Variants in MAK observed in about 807,000 individuals in gnomAD.
MAK encodes serine/threonine-protein kinase MAK.
MAK carries 65 observed loss-of-function variants against 82.6 expected under a neutral mutation model. The ratio of observed to expected loss-of-function variants is 0.79; its 90% CI spans 0.64 to 0.97. The LOEUF (loss-of-function observed/expected upper bound fraction) is 0.97, where lower values mean the gene tolerates loss of function less well. Ranked by LOEUF, MAK falls within the 50% of genes least tolerant of loss-of-function variation. The pLI is 0.00. For missense variants in MAK, 703 were observed against 780.2 expected (o/e 0.90, Z 1.18); for synonymous variants, 250 against 274.2 (o/e 0.91, Z 0.87).
chr6:10,781,418 T>C (rs1773954413), intron 11 of MAK, among the ~76,000 whole-genome samples: 1 of 149,564 alleles, frequency 6.7e-6, no homozygotes, highest in Admixed American at 6.7e-5. Flanking sequence ...AGGTCAAAAG[T>C]AGATTTTTTT....
intron 11 of MAK, among the ~76,000 whole-genome samples, chr6:10,783,846 C>T (rs1222704206): frequency 9.2e-5 from 14 of 152,106 alleles, no homozygotes; most frequent in Admixed American, 8.5e-4. Context: ...CGGTGAAACA[C>T]CATCTCTACT....
intron 1 of MAK, among the ~76,000 whole-genome samples, chr6:10,834,398 G>A (rs752703919): frequency 6.6e-5 from 10 of 152,172 alleles, no homozygotes; most frequent in Non-Finnish European, 1.2e-4. Flanking sequence ...CATTTGGCTT[G>A]ATGTTGTTGG....
intron 14 of MAK, among the ~76,000 whole-genome samples, 157 bp from the exon 15 acceptor site, chr6:10,764,763 A>C (rs1447634499): frequency 6.6e-6 from 1 of 152,176 alleles, no homozygotes; most frequent in Non-Finnish European, 1.5e-5. Flanking sequence ...TAAAACCAAA[A>C]ATTCTAGTGT....
chr6:10,778,067 AAATT>A (rs1488931408), intron 11 of MAK, among the ~76,000 whole-genome samples: 4 of 152,238 alleles, frequency 2.6e-5, no homozygotes, highest in Admixed American at 2.6e-4. Flanking sequence ...GAAGAAGCAT[AAATT>A]AATTTGATAT....
chr6:10,814,207 G>A (rs866768831), intron 4 of MAK, among the ~76,000 whole-genome samples: 2 of 152,080 alleles, frequency 1.3e-5, no homozygotes, highest in African/African-American at 2.4e-5. Context: ...GACCTCAGGC[G>A]ATCTGCCCAC....
At chr6:10,794,275 ATTCATTCC>A (rs1430196632) in intron 9 of MAK, among the ~76,000 whole-genome samples, 2 of 152,186 alleles carry the variant, frequency 1.3e-5, no homozygotes, top group African/African-American at 4.8e-5. Flanking sequence ...GTGGGCAATT[ATTCATTCC>A]TTCATTCACT....
At chr6:10,828,265 G>C (rs1411142498) in intron 2 of MAK, among the ~76,000 whole-genome samples, 1 of 152,188 alleles carries the variant, frequency 6.6e-6, no homozygotes, top group East Asian at 1.9e-4. Context: ...GTGGAGATGC[G>C]TATCCCATGA....
chr6:10,798,070 G>T, intron 8 of MAK: 1 of 494,728 alleles, frequency 2.0e-6, no homozygotes, highest in Non-Finnish European at 2.6e-6. Flanking sequence ...AAACTTTGAG[G>T]ATGTGTTTTG....
intron 3 of MAK, 79 bp from the exon 4 acceptor site, chr6:10,818,050 T>C (rs1031241526): frequency 1.3e-6 from 1 of 745,160 alleles, no homozygotes; most frequent in Non-Finnish European, 2.2e-6. Context: ...ATGCTAAGTG[T>C]AATAATTACC....
intron 6 of MAK, among the ~76,000 whole-genome samples, 165 bp downstream of exon 6, chr6:10,808,645 A>G (rs1776683576): frequency 6.6e-6 from 1 of 152,008 alleles, no homozygotes; most frequent in African/African-American, 2.4e-5. Context: ...TTTTTCAGTG[A>G]TCAGAATAGC....
chr6:10,778,509 G>A lies in MAK; in HGVS notation c.1466-3050C>T, dbSNP rs111891818. On this transcript the variant is annotated intron_variant, in intron 11 of 14. Coordinates refer to ENST00000354489, the MANE Select transcript of MAK (RefSeq NM_001242957.3). ...AGGATACAACTCCCACATGCTTAGC[G>A]TTCCAATAATGGAACACTAGGCATA... is the stretch of plus-strand genomic sequence containing the variant. Among the ~76,000 whole-genome samples, 19 of 152,204 alleles carry A rather than the reference G, an allele frequency of 1.2e-4. No homozygotes were observed. In the Middle Eastern group the frequency reaches 0.01, roughly 82 times the overall value.
Position 10,796,273 on chromosome 6 carries a change from A to C in MAK, c.868T>G (p.Leu290Val), listed in dbSNP as rs1775550548. The C allele has an allele frequency of 1.9e-6, 3 of 1,614,112 alleles. No homozygotes were observed. In the East Asian group the frequency reaches 6.7e-5, roughly 36 times the overall value. Residue 290 changes from leucine (L) to valine (V), a missense_variant, in exon 9 of 15, where the codon TTA (leucine) becomes GTA (valine). Leu to Val is a conservative substitution (Grantham distance 32, BLOSUM62 1). Transcript: ENST00000354489. Reference protein sequence around the residue: ...KHPYFQVGQVLGPSSNHLESK... With the variant: ...KHPYFQVGQVVGPSSNHLESK... ...TCCAGATGATTTGACGAAGGGCCTAATACCTGACCAACTTGAAAATATGGG... is the reference window on the plus strand; with the variant it reads ...TCCAGATGATTTGACGAAGGGCCTACTACCTGACCAACTTGAAAATATGGG...
chr6:10,788,489 T>C (rs1356721234), intron 10 of MAK, among the ~76,000 whole-genome samples: 2 of 152,138 alleles, frequency 1.3e-5, no homozygotes, highest in East Asian at 1.9e-4. Context: ...CCCAACACTT[T>C]TGGAGGCCGA....
chr6:10,802,389 T>C, intron 7 of MAK: 1 of 251,750 alleles, frequency 4.0e-6, no homozygotes, highest in Non-Finnish European at 7.7e-6. Context: ...CACTACAGCC[T>C]CACCCTCCCG....
chr6:10,816,992 T>C (rs2076311947), intron 4 of MAK, among the ~76,000 whole-genome samples: 1 of 152,050 alleles, frequency 6.6e-6, no homozygotes, highest in Non-Finnish European at 1.5e-5. Flanking sequence ...GGGCAGAAAT[T>C]TACTTTTATT....
At chr6:10,774,100 A>G (rs1315668918) in intron 12 of MAK, among the ~76,000 whole-genome samples, 1 of 152,108 alleles carries the variant, frequency 6.6e-6, no homozygotes, top group Non-Finnish European at 1.5e-5. Context: ...TTTTTCCCTT[A>G]AAATTATATC....
chr6:10,782,518 C>T (rs1402777942), intron 11 of MAK, among the ~76,000 whole-genome samples: 2 of 151,780 alleles, frequency 1.3e-5, no homozygotes, highest in African/African-American at 4.8e-5. Context: ...AAACCCTCTA[C>T]TTGCTTTCAT....
chr6:10,811,500 C>T (rs1776929192), intron 5 of MAK, among the ~76,000 whole-genome samples: 1 of 152,236 alleles, frequency 6.6e-6, no homozygotes, highest in Non-Finnish European at 1.5e-5. Context: ...ATCGAACTTC[C>T]TCCTTCAATC....
In MAK at chr6:10,813,746, A is replaced by G. The variant is rs199880282; in HGVS notation, c.279-23T>C. ...TTTCTGTAAAGAAATGAACAGTCAC[A>G]TAATTCTGTTAAGCAACCAGCCAAC... On this transcript the variant is annotated intron_variant, in intron 4 of 14. Transcript: ENST00000354489. 229 of 1,388,932 alleles carry G rather than the reference A, an allele frequency of 1.6e-4. 1 individual carries two copies. Among genetic ancestry groups the G allele is most frequent in the Middle Eastern group, 1.6e-3 (9 of 5,684 alleles). 86.0% of individuals were successfully genotyped at this position (1,388,932 alleles called of 1,614,324 possible). A position where few individuals can be genotyped will look rare whatever the true frequency, so the allele number is the denominator to read the frequency against.
Sources: allele counts gnomAD v4.1 joint callset (sites outside exome capture counted in the v4.1 genomes callset), GRCh38; gene constraint gnomAD v4.1.1; transcripts MANE v1.5; gene names NCBI Gene and HGNC (gene_info 2026-07-23, HGNC 2026-07-21).